Variants in TFDP2 observed in about 807,000 individuals in gnomAD.
TFDP2 encodes transcription factor Dp-2 (E2F dimerization partner 2).
In TFDP2, 17 loss-of-function variants were observed where a neutral mutation model predicts 59.3. That is an observed-to-expected ratio of 0.29 (90% confidence interval 0.20 to 0.43). TFDP2 has a LOEUF of 0.43. Among genes scored for constraint, TFDP2 ranks in the 20% least tolerant of loss-of-function variants. The pLI, the probability that TFDP2 is intolerant of heterozygous loss-of-function variation, is 1.00. For synonymous variants in TFDP2, 180 were observed against 194.7 expected, an observed-to-expected ratio of 0.92 and a Z score of 0.63; for missense variants, 391 against 528.8, an observed-to-expected ratio of 0.74 and a Z score of 2.56.
intron 3 of TFDP2, among the ~76,000 whole-genome samples, chr3:142,008,114 G>A (rs942118205): frequency 4.6e-4 from 70 of 152,164 alleles, no homozygotes; most frequent in African/African-American, 1.7e-3. Flanking sequence ...GGGGAACAAT[G>A]AACAATACCA....
chr3:142,025,810 C>T (rs1946036131), intron 3 of TFDP2, among the ~76,000 whole-genome samples: 1 of 151,996 alleles, frequency 6.6e-6, no homozygotes, highest in South Asian at 2.1e-4. Context: ...ATTCAATAAA[C>T]TTCAAAGGCC....
chr3:142,146,174 A>G (rs1157500868), intron 1 of TFDP2, among the ~76,000 whole-genome samples: 1 of 152,172 alleles, frequency 6.6e-6, no homozygotes, highest in Admixed American at 6.5e-5. Context: ...TTTAATGTCA[A>G]CAGACTAGAA....
chr3:141,995,886 A>C (rs1278060745), intron 4 of TFDP2, among the ~76,000 whole-genome samples: 2 of 101,274 alleles, frequency 2.0e-5, no homozygotes, highest in African/African-American at 8.4e-5. Context: ...TCCATTTCAA[A>C]AAAAAAAAAA....
chr3:142,028,354 A>C (rs532747682), intron 3 of TFDP2, among the ~76,000 whole-genome samples: 4 of 152,092 alleles, frequency 2.6e-5, no homozygotes, highest in Admixed American at 6.5e-5. Context: ...TCACATTTTA[A>C]TTAATTTATA....
chr3:141,971,119 CT>C (rs1939665792), intron 8 of TFDP2, among the ~76,000 whole-genome samples: 1 of 151,748 alleles, frequency 6.6e-6, no homozygotes. Flanking sequence ...CAAACTACTG[CT>C]TTTTTTCTCA....
In TFDP2 at chr3:142,149,408, C is replaced by T. The variant is rs144155154; in HGVS notation, c.-318G>A. ...TCGAGCCTGCCCAAAGATGAAGGGTCAGGGCGCGCCCCGCGGGCCGGGCAG... is the reference window on the plus strand; with the variant it reads ...TCGAGCCTGCCCAAAGATGAAGGGTTAGGGCGCGCCCCGCGGGCCGGGCAG... On this transcript the variant is annotated 5_prime_UTR_variant, in exon 1 of 13. Transcript: ENST00000489671. 1 of 385,210 alleles carries T rather than the reference C, an allele frequency of 2.6e-6. No individual in the cohort carries two copies. Among genetic ancestry groups the T allele is most frequent in the African/African-American group, 2.1e-5 (1 of 47,998 alleles). 23.9% of individuals were successfully genotyped at this position (385,210 alleles called of 1,614,324 possible).
At chr3:142,009,303 T>C (rs927682095) in intron 3 of TFDP2, among the ~76,000 whole-genome samples, 1 of 152,244 alleles carries the variant, frequency 6.6e-6, no homozygotes, top group South Asian at 2.1e-4. Context: ...TAACTCATCC[T>C]GAGTTTGAAA....
At chr3:142,107,127 G>A (rs1560150617) in intron 1 of TFDP2, among the ~76,000 whole-genome samples, 1 of 152,084 alleles carries the variant, frequency 6.6e-6, no homozygotes, top group East Asian at 1.9e-4. Context: ...CTACTTGTCA[G>A]AAGCAACTAC....
intron 1 of TFDP2, among the ~76,000 whole-genome samples, chr3:142,116,030 G>A (rs1272823046): frequency 3.3e-5 from 5 of 151,942 alleles, no homozygotes; most frequent in Admixed American, 2.6e-4. Context: ...GTTGGGCTAC[G>A]GGTAAATGGG....
chr3:142,137,147 A>G (rs1280997230), intron 1 of TFDP2, among the ~76,000 whole-genome samples: 40 of 150,984 alleles, frequency 2.6e-4, no homozygotes, highest in Admixed American at 2.4e-3. Flanking sequence ...CTTTGTACCA[A>G]TAGTGATTGG....
chr3:142,108,215 C>CT (rs571958978), intron 1 of TFDP2, among the ~76,000 whole-genome samples: 8,511 of 145,354 alleles, frequency 0.059, 296 homozygotes, highest in Middle Eastern at 0.12. Flanking sequence ...TTGCCTTTCT[C>CT]TTTTTTTTTT....
chr3:142,068,841 G>A (rs1249188881), intron 3 of TFDP2, among the ~76,000 whole-genome samples: 2 of 152,210 alleles, frequency 1.3e-5, no homozygotes, highest in South Asian at 4.2e-4. Context: ...TTATCAGTGT[G>A]AGCCACCACG....
At chr3:142,070,904 G>A (rs2060224510) in intron 3 of TFDP2, among the ~76,000 whole-genome samples, 1 of 152,076 alleles carries the variant, frequency 6.6e-6, no homozygotes, top group African/African-American at 2.4e-5. Context: ...GAGGCTTACA[G>A]GCCAGTGGAA....
chr3:141,946,513 A>AC lies in TFDP2; in HGVS notation c.*5999_*6000insG, dbSNP rs1935265894. ...CAGCACCCTGGTGAATGGGTGTCAG[A>AC]GAAGTTTCTGGACCTGTCAGGGACT... On this transcript the variant is annotated 3_prime_UTR_variant, in exon 13 of 13. Coordinates refer to ENST00000489671, the MANE Select transcript of TFDP2 (RefSeq NM_001178139.2). The AC allele has an allele frequency of 6.6e-6, 1 of 152,234 alleles. No homozygotes were observed. The highest frequency in any genetic ancestry group is 2.4e-5 in the African/African-American group (1 of 41,436). 9.4% of individuals were successfully genotyped at this position (152,234 alleles called of 1,614,324 possible).
intron 1 of TFDP2, among the ~76,000 whole-genome samples, chr3:142,140,551 T>TGGATG (rs1020720484): frequency 2.8e-4 from 43 of 152,226 alleles, no homozygotes; most frequent in Admixed American, 2.2e-3. Flanking sequence ...GGTTTTGGTG[T>TGGATG]GGATGTCCTT....
At chr3:142,142,806 C>G (rs1384974461) in intron 1 of TFDP2, among the ~76,000 whole-genome samples, 4 of 152,212 alleles carry the variant, frequency 2.6e-5, no homozygotes, top group Non-Finnish European at 2.9e-5. Context: ...CACACACCTA[C>G]AGTTAACTCA....
chr3:142,105,945 T>C (rs2061456344), intron 1 of TFDP2, among the ~76,000 whole-genome samples: 1 of 128,168 alleles, frequency 7.8e-6, no homozygotes, highest in Non-Finnish European at 1.6e-5. Flanking sequence ...CTAGCACAAG[T>C]TAAGCATTCA....
intron 6 of TFDP2, among the ~76,000 whole-genome samples, chr3:141,992,378 T>C (rs1942870663): frequency 6.6e-6 from 1 of 152,226 alleles, no homozygotes; most frequent in Non-Finnish European, 1.5e-5. Context: ...TTCTCACTTA[T>C]AGATCTTTAG....
rs140234921 is a variant in TFDP2, at chr3:142,082,583, G to T, written c.82+10478C>A. ...GAAACATCAAAAAAAGAAAACTACA[G>T]GCAAATATCCCTGATGTACACTGAT... is the stretch of plus-strand genomic sequence containing the variant. On this transcript the variant is annotated intron_variant, in intron 3 of 12. Coordinates refer to ENST00000489671, the MANE Select transcript of TFDP2 (RefSeq NM_001178139.2). Among the ~76,000 whole-genome samples the T allele has an allele frequency of 2.5e-4, 38 of 152,066 alleles. No individual in the cohort carries two copies. The East Asian group carries it at 6.4e-3, about 26-fold the overall frequency.
Sources: gnomAD v4.1 joint callset for allele counts (sites outside exome capture counted in the v4.1 genomes callset) on GRCh38, gnomAD v4.1.1 for gene constraint, MANE v1.5 for transcripts, NCBI Gene and HGNC (gene_info 2026-07-23, HGNC 2026-07-21) for gene names.